The following PPM1L variants were observed in gnomAD, a reference collection of about 807,000 sequenced individuals.
PPM1L encodes the protein protein phosphatase 1L.
In PPM1L, 13 loss-of-function variants were observed where a neutral mutation model predicts 31.4. That is an observed-to-expected ratio of 0.41 (90% CI 0.27 to 0.66). The LOEUF (loss-of-function observed/expected upper bound fraction) is 0.66, where lower values mean the gene tolerates loss of function less well. Ranked by LOEUF, PPM1L falls within the 30% of genes least tolerant of loss-of-function variation. PPM1L has a pLI of 0.29. For synonymous variants in PPM1L, 184 were observed against 175.4 expected (o/e 1.05, Z -0.39); for missense variants, 326 against 453.7 (o/e 0.72, Z 2.56).
chr3:161,036,943 G>A (rs902005520), intron 2 of PPM1L, among the ~76,000 whole-genome samples: 1 of 151,920 alleles, frequency 6.6e-6, no homozygotes, highest in Non-Finnish European at 1.5e-5. Context: ...TCTCATTTTT[G>A]AATCGTAAAA....
At position 161,074,516 on chromosome 3, in the gene PPM1L, A is replaced by G. The variant is rs1720041080; in HGVS notation, c.*5359A>G. 6.6e-6 allele frequency: 1 copy of G among 152,234 alleles called. No individual in the cohort carries two copies. 9.4% of individuals were successfully genotyped at this position (152,234 alleles called of 1,614,324 possible). A position where few individuals can be genotyped will look rare whatever the true frequency, so the allele number is the denominator to read the frequency against. On this transcript the variant is annotated 3_prime_UTR_variant, in exon 4 of 4. Transcript: ENST00000498165. Reference sequence around the variant, plus strand: ...TATCCAAAATATTTTAAAAAACTAAAAGTAAGATCTCTTAGGCTAGGTGGC... The same window carrying G: ...TATCCAAAATATTTTAAAAAACTAAGAGTAAGATCTCTTAGGCTAGGTGGC...
At chr3:160,823,919 T>G (rs16831520) in intron 1 of PPM1L, among the ~76,000 whole-genome samples, 13,921 of 152,196 alleles carry the variant, frequency 0.091, 978 homozygotes, top group African/African-American at 0.19. Context: ...GTAAATTGGC[T>G]TATTTGAATC....
intron 3 of PPM1L, among the ~76,000 whole-genome samples, 172 bp from the exon 4 acceptor site, chr3:161,068,639 T>A (rs1336244999): frequency 1.3e-5 from 2 of 152,030 alleles, no homozygotes; most frequent in Non-Finnish European, 2.9e-5. Flanking sequence ...GATCAACTGG[T>A]AGAGTATAAA....
intron 1 of PPM1L, among the ~76,000 whole-genome samples, chr3:160,795,217 A>T (rs1384836169): frequency 6.6e-6 from 1 of 152,128 alleles, no homozygotes; most frequent in Non-Finnish European, 1.5e-5. Flanking sequence ...TTTCAAAATA[A>T]TTTTTCAAAG....
At chr3:160,843,140 C>G (rs1330386989) in intron 1 of PPM1L, among the ~76,000 whole-genome samples, 1 of 151,708 alleles carries the variant, frequency 6.6e-6, no homozygotes. Context: ...CTGTATCTCA[C>G]AAATTATTAA....
At chr3:160,926,370 G>A (rs1714588042) in intron 1 of PPM1L, among the ~76,000 whole-genome samples, 1 of 152,174 alleles carries the variant, frequency 6.6e-6, no homozygotes, top group Non-Finnish European at 1.5e-5. Flanking sequence ...AATGAATGCA[G>A]TGAGAAGACT....
chr3:160,827,694 C>T (rs1308645773), intron 1 of PPM1L, among the ~76,000 whole-genome samples: 1 of 150,914 alleles, frequency 6.6e-6, no homozygotes, highest in Admixed American at 6.6e-5. Context: ...CATACTCTAT[C>T]TAATTGACTA....
chr3:161,020,997 T>C (rs952476170), intron 2 of PPM1L, among the ~76,000 whole-genome samples: 1 of 152,018 alleles, frequency 6.6e-6, no homozygotes, highest in Non-Finnish European at 1.5e-5. Flanking sequence ...TCAACTTTGG[T>C]GATCTTTTTT....
At chr3:160,852,336 C>T (rs1711553573) in intron 1 of PPM1L, among the ~76,000 whole-genome samples, 1 of 152,082 alleles carries the variant, frequency 6.6e-6, no homozygotes, top group South Asian at 2.1e-4. Context: ...TATAGCCTCA[C>T]TCCAAAAGCA....
chr3:161,063,882 A>G (rs1719647968), intron 2 of PPM1L, among the ~76,000 whole-genome samples: 1 of 152,230 alleles, frequency 6.6e-6, no homozygotes, highest in South Asian at 2.1e-4. Flanking sequence ...ACGTGGATGA[A>G]GCTGGAAGCC....
intron 1 of PPM1L, among the ~76,000 whole-genome samples, chr3:160,841,336 A>AT (rs561823872): frequency 2.8e-3 from 412 of 144,690 alleles, no homozygotes; most frequent in East Asian, 0.016. Flanking sequence ...CTTTACAGGG[A>AT]TTTTTTTTTT....
chr3:160,814,567 GTA>G (rs1712916102), intron 1 of PPM1L, among the ~76,000 whole-genome samples: 1 of 100,008 alleles, frequency 1.0e-5, no homozygotes, highest in African/African-American at 4.2e-5. Flanking sequence ...ACATATGTAT[GTA>G]TGTGTATATA....
intron 1 of PPM1L, among the ~76,000 whole-genome samples, chr3:160,944,253 ATG>A (rs1334271648): frequency 2.0e-5 from 3 of 151,892 alleles, no homozygotes; most frequent in South Asian, 2.1e-4. Context: ...CAAATTTTAC[ATG>A]TCTCTTTGGG....
intron 2 of PPM1L, among the ~76,000 whole-genome samples, chr3:161,010,159 C>A (rs887379338): frequency 5.9e-5 from 9 of 152,124 alleles, no homozygotes; most frequent in African/African-American, 1.4e-4. Flanking sequence ...CTCCTCCCCC[C>A]ACCCCATGAC....
intron 2 of PPM1L, among the ~76,000 whole-genome samples, chr3:160,971,845 C>A (rs1255303370): frequency 6.6e-6 from 1 of 152,152 alleles, no homozygotes; most frequent in Non-Finnish European, 1.5e-5. Context: ...CTCTCTGCAA[C>A]CTTGAACTCC....
At chr3:160,970,444 A>ATTT (rs1559908005) in intron 2 of PPM1L, among the ~76,000 whole-genome samples, 1 of 118,736 alleles carries the variant, frequency 8.4e-6, no homozygotes, top group African/African-American at 3.4e-5. Context: ...AACCAAGCTG[A>ATTT]ATATTTTTTT....
intron 2 of PPM1L, among the ~76,000 whole-genome samples, chr3:161,060,098 A>G (rs976151008): frequency 6.6e-6 from 1 of 152,188 alleles, no homozygotes; most frequent in African/African-American, 2.4e-5. Context: ...CTAAATAAAT[A>G]AATAGTCTAA....
At chr3:160,814,475 A>G (rs1461484114) in intron 1 of PPM1L, among the ~76,000 whole-genome samples, 1 of 147,870 alleles carries the variant, frequency 6.8e-6, no homozygotes, top group African/African-American at 2.6e-5. Flanking sequence ...TGTGGTGTAT[A>G]TACACACACA....
At chr3:160,841,772 CT>C (rs1305039897) in intron 1 of PPM1L, among the ~76,000 whole-genome samples, 3 of 152,076 alleles carry the variant, frequency 2.0e-5, no homozygotes, top group African/African-American at 7.2e-5. Flanking sequence ...ATAAGGACTT[CT>C]TTGTTTATTT....
Sources: allele counts gnomAD v4.1 joint callset (sites outside exome capture counted in the v4.1 genomes callset), GRCh38; gene constraint gnomAD v4.1.1; transcripts MANE v1.5; gene names NCBI Gene and HGNC (gene_info 2026-07-23, HGNC 2026-07-21).